Variants in TFAP4 observed in about 807,000 individuals in gnomAD.
TFAP4 encodes the protein transcription factor AP-4.
A neutral mutation model predicts 40.4 loss-of-function variants in TFAP4; 7 were observed. That is an observed-to-expected ratio of 0.17 (90% CI 0.10 to 0.33). The LOEUF (loss-of-function observed/expected upper bound fraction) is 0.33. TFAP4 is among the 10% of genes least tolerant of loss of function. TFAP4 has a pLI of 1.00. For missense variants in TFAP4, 374 were observed against 451.1 expected (o/e 0.83, Z 1.55); for synonymous variants, 218 against 181.4 (o/e 1.20, Z -1.62).
rs557994944 is a variant in TFAP4, at chr16:4,269,758, C to T, written c.89+2900G>A. Among the ~76,000 whole-genome samples, 8 of 151,558 alleles carry T rather than the reference C, an allele frequency of 5.3e-5. No homozygotes were observed. In the East Asian group the frequency reaches 1.2e-3, roughly 22 times the overall value. On this transcript the variant is annotated intron_variant, in intron 1 of 6. Coordinates refer to ENST00000204517, the MANE Select transcript of TFAP4 (RefSeq NM_003223.3). ...CCCGGAGGCAGAAGTTGCAGTGAGC[C>T]GAGATTGCGCCACTGCACTCCAGCC...
chr16:4,261,419 A>G (rs1420693218), intron 4 of TFAP4, among the ~76,000 whole-genome samples: 1 of 151,098 alleles, frequency 6.6e-6, no homozygotes, highest in Non-Finnish European at 1.5e-5. Context: ...AGCGGGGACT[A>G]CAGGCACCCA....
Position 4,260,545 on chromosome 16 carries a change from C to T in TFAP4, c.576G>A (p.Ala192=), listed in dbSNP as rs778336870. ...GCTGCTGCTGCAGCTGCACCTGCTGCGCAATCACCTTGAGCTTTTCCGGGT... is the reference window on the plus strand; with the variant it reads ...GCTGCTGCTGCAGCTGCACCTGCTGTGCAATCACCTTGAGCTTTTCCGGGT... ...HMYPEKLKVI[A]QQVQLQQQQE... is the part of the protein sequence containing the mutation. Residue 192 remains alanine (A), a synonymous_variant, in exon 5 of 7, where the codon GCG becomes GCA. Coordinates refer to ENST00000204517, the MANE Select transcript of TFAP4 (RefSeq NM_003223.3). 1.7e-5 allele frequency: 28 copies of T among 1,611,750 alleles called. No individual in the cohort carries two copies. The Admixed American group carries it at 2.0e-4, about 12-fold the overall frequency.
chr16:4,266,482 A>C (rs991322403), intron 1 of TFAP4: 3 of 152,102 alleles, frequency 2.0e-5, no homozygotes, highest in South Asian at 2.1e-4. Context: ...CCGCCGACAG[A>C]GTCCTTTAAT....
At chr16:4,262,301 G>A in intron 3 of TFAP4, 23 bp downstream of exon 3, 1 of 1,612,770 alleles carries the variant, frequency 6.2e-7, no homozygotes, top group Non-Finnish European at 8.5e-7. Flanking sequence ...CAGGGAGAGG[G>A]AGCCATGAAG....
chr16:4,257,311 T>TAAAAAAAAAAAAAA lies in TFAP4; in HGVS notation c.*730_*743dup, dbSNP rs34634533. 1.7e-5 allele frequency: 2 copies of TAAAAAAAAAAAAAA among 114,776 alleles called. No individual in the cohort carries two copies. Among genetic ancestry groups the TAAAAAAAAAAAAAA allele is most frequent in the Non-Finnish European group, 3.6e-5 (2 of 55,870 alleles). 7.1% of individuals were successfully genotyped at this position (114,776 alleles called of 1,614,324 possible). ...CTTGAACACGAAGACCTCAAAATTG[T>TAAAAAAAAAAAAAA]AAAAAAAAAAAAAAAAGAAAGAAAA... is the stretch of plus-strand genomic sequence containing the variant. On this transcript the variant is annotated 3_prime_UTR_variant, in exon 7 of 7. Transcript: ENST00000204517.
intron 1 of TFAP4, 72 bp downstream of exon 1, chr16:4,272,586 G>C: frequency 7.8e-7 from 1 of 1,275,980 alleles, no homozygotes; most frequent in Non-Finnish European, 1.1e-6. Flanking sequence ...GTGCGCACAC[G>C]CGCGCCCGCC....
chr16:4,269,681 G>A (rs966367340), intron 1 of TFAP4, among the ~76,000 whole-genome samples: 22 of 151,194 alleles, frequency 1.5e-4, no homozygotes, highest in South Asian at 1.3e-3. Flanking sequence ...ATGGTGGAGC[G>A]GGCCTGTAGT....
chr16:4,260,650 G>A (rs2052939773), intron 4 of TFAP4, 55 bp from the exon 5 acceptor site: 1 of 1,525,134 alleles, frequency 6.6e-7, no homozygotes, highest in South Asian at 1.3e-5. Context: ...ACCCTGCCCT[G>A]TCAGTCTCAC....
rs534017380 is a variant in TFAP4, at chr16:4,259,299, A to G, written c.822+791T>C. Among the ~76,000 whole-genome samples, 96 of 151,494 alleles carry G rather than the reference A, an allele frequency of 6.3e-4. 1 individual carries two copies. The South Asian group carries it at 7.3e-3, about 12-fold the overall frequency. On this transcript the variant is annotated intron_variant, in intron 6 of 6. Coordinates refer to ENST00000204517, the MANE Select transcript of TFAP4 (RefSeq NM_003223.3). ...CAGGCGTGCACCACCACGTCAGGCTAATTTTTGTATTTTTAATAGAGATGG... is the reference window on the plus strand; with the variant it reads ...CAGGCGTGCACCACCACGTCAGGCTGATTTTTGTATTTTTAATAGAGATGG...
chr16:4,257,954 G>T lies in TFAP4; in HGVS notation c.*101C>A. 1.7e-6 allele frequency: 2 copies of T among 1,178,506 alleles called. No individual in the cohort carries two copies. Among genetic ancestry groups the T allele is most frequent in the Non-Finnish European group, 2.4e-6 (2 of 847,424 alleles). The allele number at this position is 1,178,506 out of a possible 1,614,324, so 73.0% of individuals were successfully genotyped here. On this transcript the variant is annotated 3_prime_UTR_variant, in exon 7 of 7. Coordinates refer to ENST00000204517, the MANE Select transcript of TFAP4 (RefSeq NM_003223.3). Reference sequence around the variant, plus strand: ...TCATAAAAGAGACCCAAATGACATCGTAATTTTGTAAAAATTTCTCACTCA... The same window carrying T: ...TCATAAAAGAGACCCAAATGACATCTTAATTTTGTAAAAATTTCTCACTCA...
In TFAP4 at chr16:4,257,952, T is replaced by C; in HGVS notation, c.*103A>G. ...GGTCATAAAAGAGACCCAAATGACA[T>C]CGTAATTTTGTAAAAATTTCTCACT... On this transcript the variant is annotated 3_prime_UTR_variant, in exon 7 of 7. Transcript: ENST00000204517. 8.7e-7 allele frequency: 1 copy of C among 1,144,822 alleles called. No homozygotes were observed. The highest frequency in any genetic ancestry group is 1.2e-6 in the Non-Finnish European group (1 of 817,688). 70.9% of individuals were successfully genotyped at this position (1,144,822 alleles called of 1,614,324 possible).
chr16:4,258,213 C>G lies in TFAP4; in HGVS notation c.859G>C (p.Glu287Gln), dbSNP rs1250936184. ...QHIEGTQEKQELEEEQRRAVI... is the reference protein window; with the variant it reads ...QHIEGTQEKQQLEEEQRRAVI... ...GCTCGCCGCTGCTCCTCCTCCAGCTCCTGCTTTTCCTGGGTGCCCTCGATG... is the reference window on the plus strand; with the variant it reads ...GCTCGCCGCTGCTCCTCCTCCAGCTGCTGCTTTTCCTGGGTGCCCTCGATG... Residue 287 changes from glutamate (E) to glutamine (Q), a missense_variant, in exon 7 of 7, where the codon GAG becomes CAG. Around this residue, in one of 6 missense-constraint regions of TFAP4, gnomAD observed 93 missense variants for 79.2 expected, o/e 1.17. Coordinates refer to ENST00000204517, the MANE Select transcript of TFAP4 (RefSeq NM_003223.3). The G allele has an allele frequency of 6.2e-7, 1 of 1,607,578 alleles. No individual in the cohort carries two copies. The highest frequency in any genetic ancestry group is 8.5e-7 in the Non-Finnish European group (1 of 1,175,228).
At chr16:4,261,481 G>A (rs1597312262) in intron 4 of TFAP4, among the ~76,000 whole-genome samples, 2 of 151,534 alleles carry the variant, frequency 1.3e-5, no homozygotes, top group South Asian at 4.2e-4. Context: ...TAGAGACGGG[G>A]TTTCACCGTG....
intron 6 of TFAP4, among the ~76,000 whole-genome samples, chr16:4,258,987 C>T (rs2141087835): frequency 6.6e-6 from 1 of 151,620 alleles, no homozygotes; most frequent in East Asian, 2.0e-4. Flanking sequence ...ACTTGGGAGG[C>T]TGAGGCAGGA....
intron 4 of TFAP4, 131 bp from the exon 5 acceptor site, chr16:4,260,726 G>C: frequency 9.3e-7 from 1 of 1,080,392 alleles, no homozygotes; most frequent in South Asian, 1.9e-5. Flanking sequence ...GAGGCCAGAA[G>C]CCTTTCCAGA....
Position 4,272,838 on chromosome 16 carries a change from G to A in TFAP4, c.-92C>T. 3 of 1,224,454 alleles carry A rather than the reference G, an allele frequency of 2.5e-6. No homozygotes were observed. The highest frequency in any genetic ancestry group is 5.8e-5 in the East Asian group (2 of 34,342). The allele number at this position is 1,224,454 out of a possible 1,614,324, so 75.8% of individuals were successfully genotyped here. A position where few individuals can be genotyped will look rare whatever the true frequency, so the allele number is the denominator to read the frequency against. ...TCCGAATCAAAGGGCAGCGCCGGACGGAGGTGCAGAATCGGCCGGTCCCAG... is the reference window on the plus strand; with the variant it reads ...TCCGAATCAAAGGGCAGCGCCGGACAGAGGTGCAGAATCGGCCGGTCCCAG... On this transcript the variant is annotated 5_prime_UTR_variant, in exon 1 of 7. Coordinates refer to ENST00000204517, the MANE Select transcript of TFAP4 (RefSeq NM_003223.3).
chr16:4,259,480 G>A (rs541108461), intron 6 of TFAP4, among the ~76,000 whole-genome samples: 20 of 152,266 alleles, frequency 1.3e-4, no homozygotes, highest in African/African-American at 3.9e-4. Flanking sequence ...TATTAAAGGC[G>A]TTTGTTATTA....
chr16:4,267,743 C>T (rs1164233991), intron 1 of TFAP4, among the ~76,000 whole-genome samples: 2 of 152,222 alleles, frequency 1.3e-5, no homozygotes, highest in East Asian at 1.9e-4. Context: ...ACACAGTCAA[C>T]GTGGGAAAGT....
chr16:4,262,261 C>A (rs2052956078), intron 3 of TFAP4, 63 bp downstream of exon 3: 18 of 1,560,870 alleles, frequency 1.2e-5, no homozygotes, highest in Non-Finnish European at 1.6e-5. Context: ...GAGTCCCAGG[C>A]CCATGGCTGG....
Sources: allele counts gnomAD v4.1 joint callset (sites outside exome capture counted in the v4.1 genomes callset), GRCh38; gene constraint gnomAD v4.1.1; regional missense constraint gnomAD v4.1.1; transcripts MANE v1.5; gene names NCBI Gene and HGNC (gene_info 2026-07-23, HGNC 2026-07-21).